Variants in DYM observed in about 807,000 individuals in gnomAD.
The protein encoded by DYM is dymeclin.
Under a neutral mutation model 93.1 loss-of-function variants are expected in DYM, and 78 were observed. That is an observed-to-expected ratio of 0.84 (90% CI 0.70 to 1.01). DYM has a LOEUF of 1.01. Among genes scored for constraint, DYM ranks in the 50% least tolerant of loss-of-function variants. DYM has a pLI of 0.00. For missense variants in DYM, 789 were observed against 845.0 expected, an observed-to-expected ratio of 0.93 and a Z score of 0.82; for synonymous variants, 321 against 319.7, an observed-to-expected ratio of 1.00 and a Z score of -0.04.
chr18:49,358,094 G>A (rs2065720637), intron 6 of DYM, among the ~76,000 whole-genome samples: 1 of 152,190 alleles, frequency 6.6e-6, no homozygotes, highest in African/African-American at 2.4e-5. Context: ...AGGCTATACT[G>A]AGCCATGATT....
At chr18:49,389,275 T>G (rs2068948317) in intron 3 of DYM, among the ~76,000 whole-genome samples, 1 of 152,120 alleles carries the variant, frequency 6.6e-6, no homozygotes, top group Non-Finnish European at 1.5e-5. Flanking sequence ...CCTGATACAA[T>G]GTCAAGTGAA....
chr18:49,432,552 T>G (rs1346099808), intron 1 of DYM, among the ~76,000 whole-genome samples: 1 of 149,850 alleles, frequency 6.7e-6, no homozygotes, highest in Non-Finnish European at 1.5e-5. Context: ...ATTTTAAAAC[T>G]GGCAAAAAAT....
chr18:49,059,299 C>T (rs1009849890), intron 17 of DYM, among the ~76,000 whole-genome samples: 1 of 152,172 alleles, frequency 6.6e-6, no homozygotes, highest in Non-Finnish European at 1.5e-5. Flanking sequence ...TTCTCAGCCT[C>T]CAGGACAGTG....
chr18:49,066,718 T>TC (rs1015459373), intron 17 of DYM, among the ~76,000 whole-genome samples: 1 of 152,208 alleles, frequency 6.6e-6, no homozygotes, highest in African/African-American at 2.4e-5. Context: ...TGGATTCTTT[T>TC]TTTTTTTAAG....
chr18:49,317,683 T>TCCTTCCCTCCTTC (rs1555690597), intron 8 of DYM, among the ~76,000 whole-genome samples: 2 of 130,068 alleles, frequency 1.5e-5, no homozygotes, highest in Admixed American at 8.2e-5. Context: ...CTTCCTTCCT[T>TCCTTCCCTCCTTC]CCTTCCTTTC....
intron 17 of DYM, among the ~76,000 whole-genome samples, chr18:49,085,088 T>C (rs1045797316): frequency 6.6e-6 from 1 of 152,124 alleles, no homozygotes; most frequent in Non-Finnish European, 1.5e-5. Context: ...GAAGAAGGGG[T>C]GTAGCTTTAT....
At position 49,333,835 on chromosome 18, in the gene DYM, T is replaced by C. The variant is rs768050116; in HGVS notation, c.513A>G (p.Ile171Met). 1.2e-6 allele frequency: 2 copies of C among 1,611,382 alleles called. No individual in the cohort carries two copies. Among genetic ancestry groups the C allele is most frequent in the East Asian group, 4.5e-5 (2 of 44,826 alleles). The change falls in exon 7 of 18, where the codon ATA becomes ATG. Residue 171 changes from isoleucine (I) to methionine (M), a missense_variant. By Grantham distance (10) the Ile-to-Met change is conservative (BLOSUM62 1). This residue lies in a region of DYM where 450 missense variants were observed against 436.2 expected (regional missense o/e 1.03). Transcript: ENST00000675505. The part of the protein sequence containing the change: ...DIPLLDITYE[I>M]SVEAISTMVV... ...CCATTGTTGATATAGCTTCTACTGA[T>C]ATTTCATATGTAATATCTCTAAAAT...
At chr18:49,229,435 C>T (rs1282745355) in intron 13 of DYM, among the ~76,000 whole-genome samples, 2 of 151,984 alleles carry the variant, frequency 1.3e-5, no homozygotes, top group Non-Finnish European at 2.9e-5. Flanking sequence ...CTCAAAAACC[C>T]AAACAACCCA....
intron 1 of DYM, among the ~76,000 whole-genome samples, chr18:49,433,051 G>A (rs1600214012): frequency 6.6e-6 from 1 of 152,100 alleles, no homozygotes; most frequent in South Asian, 2.1e-4. Flanking sequence ...CCACATGAGG[G>A]AACAAGCCAA....
chr18:49,297,890 A>G (rs1233654438), intron 8 of DYM, among the ~76,000 whole-genome samples: 1 of 152,136 alleles, frequency 6.6e-6, no homozygotes, highest in Admixed American at 6.5e-5. Context: ...TTTTCTATTT[A>G]ATCAACATAT....
intron 17 of DYM, among the ~76,000 whole-genome samples, chr18:49,072,080 C>T (rs957703945): frequency 2.6e-5 from 4 of 152,176 alleles, no homozygotes; most frequent in Non-Finnish European, 4.4e-5. Context: ...TGATTCAGTA[C>T]GTCAGAATAT....
At chr18:49,279,554 C>A (rs2094920554) in intron 10 of DYM, among the ~76,000 whole-genome samples, 2 of 152,188 alleles carry the variant, frequency 1.3e-5, no homozygotes, top group African/African-American at 4.8e-5. Context: ...AACTACAACA[C>A]AAAACCTTTT....
chr18:49,155,727 T>C (rs1223789250), intron 15 of DYM, among the ~76,000 whole-genome samples: 1 of 152,244 alleles, frequency 6.6e-6, no homozygotes, highest in Non-Finnish European at 1.5e-5. Context: ...TTCCTTTTTA[T>C]CGTATGATGC....
intron 14 of DYM, among the ~76,000 whole-genome samples, chr18:49,187,515 CAATT>C (rs1448060311): frequency 1.3e-5 from 2 of 152,086 alleles, no homozygotes; most frequent in South Asian, 2.1e-4. Context: ...TTAAACAAGA[CAATT>C]AATTCTAGGT....
chr18:49,440,929 T>TTA (rs375610064), intron 1 of DYM, among the ~76,000 whole-genome samples: 4 of 2,000 alleles, frequency 2.0e-3, no homozygotes, highest in Non-Finnish European at 3.8e-3. Flanking sequence ...ATATAATATA[T>TTA]TATATAATAT....
At chr18:49,093,876 T>C (rs1368875594) in intron 17 of DYM, among the ~76,000 whole-genome samples, 2 of 152,236 alleles carry the variant, frequency 1.3e-5, no homozygotes, top group Non-Finnish European at 2.9e-5. Context: ...TATGATTTTT[T>C]ATATTTTTCT....
rs1039245107 is a variant in DYM at position 49,080,830 on chromosome 18, G to A, written c.2025+16572C>T. 1.9e-4 allele frequency among the ~76,000 whole-genome samples: 28 copies of A among 150,970 alleles called. 1 individual carries two copies. Among genetic ancestry groups the A allele is most frequent in the South Asian group, 1.5e-3 (7 of 4,742 alleles). On this transcript the variant is annotated intron_variant, in intron 17 of 17. Transcript: ENST00000675505. ...GGTCTCCTCACTTCTCAGACGGGGC[G>A]GCTGGGCAGAGACGCTCCTCACCTC...
intron 17 of DYM, among the ~76,000 whole-genome samples, chr18:49,071,533 T>A (rs572184876): frequency 6.6e-6 from 1 of 152,268 alleles, no homozygotes; most frequent in South Asian, 2.1e-4. Context: ...GTGTGTCTCT[T>A]TGGGGTTCAG....
intron 13 of DYM, among the ~76,000 whole-genome samples, chr18:49,223,390 G>A (rs2144147592): frequency 6.6e-6 from 1 of 152,136 alleles, no homozygotes; most frequent in East Asian, 1.9e-4. Flanking sequence ...AAATGGGCAT[G>A]GCTGTGTTCT....
Sources: gnomAD v4.1 joint callset for allele counts (sites outside exome capture counted in the v4.1 genomes callset) on GRCh38, gnomAD v4.1.1 for gene constraint, gnomAD v4.1.1 regional missense constraint, MANE v1.5 for transcripts, NCBI Gene and HGNC (gene_info 2026-07-23, HGNC 2026-07-21) for gene names.